The following ZNF12 variants were observed in gnomAD, a reference collection of about 807,000 sequenced individuals.
ZNF12 encodes zinc finger protein 12.
ZNF12 carries 34 observed loss-of-function variants against 66.6 expected under a neutral mutation model. That is an observed-to-expected ratio of 0.51 (90% confidence interval 0.39 to 0.68). The LOEUF is 0.68. Among genes scored for constraint, ZNF12 ranks in the 30% least tolerant of loss-of-function variants. The pLI, the probability that ZNF12 is intolerant of heterozygous loss-of-function variation, is 0.00. For synonymous variants in ZNF12, 320 were observed against 278.9 expected (o/e 1.15, Z -1.47); for missense variants, 697 against 826.9 (o/e 0.84, Z 1.93).
rs1412535961 is a variant in ZNF12, at chr7:6,701,836, C to T, written c.15+3323G>A. On this transcript the variant is annotated intron_variant, in intron 2 of 4. Coordinates refer to ENST00000405858, the MANE Select transcript of ZNF12 (RefSeq NM_016265.4). ...AACTATTTCTCATTCTCGACAGAAT[C>T]ACCCCACTATTATCTCTCCCATCAA... Among the ~76,000 whole-genome samples, 7 of 152,040 alleles carry T rather than the reference C, an allele frequency of 4.6e-5. No individual in the cohort carries two copies. The East Asian group carries it at 1.4e-3, about 29-fold the overall frequency.
At position 6,691,713 on chromosome 7, in the gene ZNF12, T is replaced by C; in HGVS notation, c.1229A>G (p.Lys410Arg). 6.2e-7 allele frequency: 1 copy of C among 1,613,940 alleles called. No individual in the cohort carries two copies. Among genetic ancestry groups the C allele is most frequent in the Non-Finnish European group, 8.5e-7 (1 of 1,179,868 alleles). ...QKIHTGVKLY[K>R]CSECGKCFCR... is the part of the protein sequence containing the mutation. The stretch of plus-strand genomic sequence containing the variant: ...GAAGCATTTCCCACATTCACTACAC[T>C]TGTAGAGTTTCACACCTGTGTGAAT... The change falls in exon 5 of 5, where the codon AAG (lysine) becomes AGG (arginine). Residue 410 changes from lysine to arginine, a missense_variant. Coordinates refer to ENST00000405858, the MANE Select transcript of ZNF12 (RefSeq NM_016265.4).
chr7:6,704,675 G>A (rs554947437), intron 2 of ZNF12, among the ~76,000 whole-genome samples: 1 of 139,420 alleles, frequency 7.2e-6, no homozygotes, highest in African/African-American at 2.7e-5. Context: ...GGGAGGTGGA[G>A]GTTGCACTGA....
rs1289152550 is a variant in ZNF12, at chr7:6,696,933, G to A, written c.238+406C>T. On this transcript the variant is annotated intron_variant, in intron 4 of 4. Coordinates refer to ENST00000405858, the MANE Select transcript of ZNF12 (RefSeq NM_016265.4). The surrounding 1 kb of genome is among the most constrained non-coding windows in gnomAD (Gnocchi z 4.0). ...AAAGAAAAGTACAAAGTAGAACAGG[G>A]TCCAGAAACAGTCTCAGGCACTGCA... Among the ~76,000 whole-genome samples the A allele has an allele frequency of 6.6e-6, 1 of 151,432 alleles. No homozygotes were observed. The highest frequency in any genetic ancestry group is 2.1e-4 in the South Asian group (1 of 4,780).
chr7:6,704,558 GTC>G (rs1247216238), intron 2 of ZNF12, among the ~76,000 whole-genome samples: 1 of 109,026 alleles, frequency 9.2e-6, no homozygotes, highest in East Asian at 2.9e-4. Flanking sequence ...GTGAAACCCT[GTC>G]TCTACTTTAA....
intron 2 of ZNF12, among the ~76,000 whole-genome samples, chr7:6,701,104 A>G (rs1371718284): frequency 1.3e-5 from 2 of 152,068 alleles, no homozygotes; most frequent in East Asian, 3.9e-4. Context: ...CAGCCTTCCA[A>G]AGTGTTGGGA....
chr7:6,706,303 T>C (rs1780356030), intron 1 of ZNF12, 129 bp downstream of exon 1: 1 of 429,138 alleles, frequency 2.3e-6, no homozygotes, highest in Non-Finnish European at 4.7e-6. Context: ...GGACCCTGCC[T>C]TCAAACCCAA....
In ZNF12 at chr7:6,689,739, A is replaced by T. The variant is rs930642094; in HGVS notation, c.*1109T>A. The stretch of plus-strand genomic sequence containing the variant: ...AGAAAGTCACTCGGCAATGTCTGCC[A>T]CAGACCCTTGTTAGAATGTGTTCTT... On this transcript the variant is annotated 3_prime_UTR_variant, in exon 5 of 5. Transcript: ENST00000405858. 6.6e-6 allele frequency: 1 copy of T among 152,618 alleles called. No individual in the cohort carries two copies. Among genetic ancestry groups the T allele is most frequent in the East Asian group, 1.9e-4 (1 of 5,196 alleles). The allele number at this position is 152,618 out of a possible 1,614,324, so 9.5% of individuals were successfully genotyped here.
chr7:6,704,234 G>A (rs1354145941), intron 2 of ZNF12: 1 of 151,832 alleles, frequency 6.6e-6, no homozygotes, highest in African/African-American at 2.4e-5. Context: ...AGCTACTCGG[G>A]AGGCTAAGGC....
intron 2 of ZNF12, chr7:6,704,038 G>C (rs1249585029): frequency 1.3e-5 from 2 of 152,190 alleles, no homozygotes; most frequent in Non-Finnish European, 2.9e-5. Context: ...GAAATATTTA[G>C]GGAGGCGGCT....
intron 2 of ZNF12, among the ~76,000 whole-genome samples, chr7:6,699,715 C>G (rs886775912): frequency 6.6e-6 from 1 of 152,116 alleles, no homozygotes; most frequent in Non-Finnish European, 1.5e-5. Context: ...AGTGGTAGGT[C>G]CCTGCTTAGT....
chr7:6,703,622 C>A lies in ZNF12; in HGVS notation c.15+1537G>T, dbSNP rs923391169. ...TGCTGCATCTATGACCTTGAGGGGT[C>A]CTTTGGACACACTCCAAAGAAATGC... On this transcript the variant is annotated intron_variant, in intron 2 of 4. Coordinates refer to ENST00000405858, the MANE Select transcript of ZNF12 (RefSeq NM_016265.4). 2.6e-5 allele frequency among the ~76,000 whole-genome samples: 4 copies of A among 152,210 alleles called. No homozygotes were observed. In the South Asian group the frequency reaches 8.3e-4, roughly 32 times the overall value.
In ZNF12 at chr7:6,705,021, T is replaced by C. The variant is rs903075374; in HGVS notation, c.15+138A>G. 7.2e-5 allele frequency: 69 copies of C among 961,962 alleles called. No individual in the cohort carries two copies. Among genetic ancestry groups the C allele is most frequent in the Non-Finnish European group, 9.9e-5 (66 of 668,912 alleles). The allele number at this position is 961,962 out of a possible 1,614,324, so 59.6% of individuals were successfully genotyped here. A position where few individuals can be genotyped will look rare whatever the true frequency, so the allele number is the denominator to read the frequency against. On this transcript the variant is annotated intron_variant, in intron 2 of 4. Coordinates refer to ENST00000405858, the MANE Select transcript of ZNF12 (RefSeq NM_016265.4). The surrounding 1 kb of genome is among the most constrained non-coding windows in gnomAD (Gnocchi z 4.0). ...ATATGAATATGATAAAAAGGCTTGG[T>C]GCTGATGGCTACTGTTCTGTCTGAC...
chr7:6,695,401 T>G (rs921612018), intron 4 of ZNF12, among the ~76,000 whole-genome samples: 5 of 152,078 alleles, frequency 3.3e-5, no homozygotes, highest in African/African-American at 1.2e-4. Context: ...TTCTTTTTTT[T>G]GTAGAGACAG....
At position 6,706,618 on chromosome 7, in the gene ZNF12, C is replaced by T. The variant is rs981816925; in HGVS notation, c.-237G>A. On this transcript the variant is annotated 5_prime_UTR_variant, in exon 1 of 5. Transcript: ENST00000405858. The stretch of plus-strand genomic sequence containing the variant: ...GGGGCGTCCCTCCCGGAGCCCAGAT[C>T]CGTCTCCCTGGGGCTCACCGTCCTG... 4.4e-6 allele frequency: 2 copies of T among 451,066 alleles called. No homozygotes were observed. Among genetic ancestry groups the T allele is most frequent in the Non-Finnish European group, 8.9e-6 (2 of 224,914 alleles). The allele number at this position is 451,066 out of a possible 1,614,324, so 27.9% of individuals were successfully genotyped here. A position where few individuals can be genotyped will look rare whatever the true frequency, so the allele number is the denominator to read the frequency against.
Position 6,698,142 on chromosome 7 carries a change from A to G in ZNF12, c.16-331T>C. The G allele has an allele frequency of 4.0e-6, 2 of 503,286 alleles. No individual in the cohort carries two copies. The highest frequency in any genetic ancestry group is 7.6e-6 in the Non-Finnish European group (2 of 264,444). The allele number at this position is 503,286 out of a possible 1,614,324, so 31.2% of individuals were successfully genotyped here. On this transcript the variant is annotated intron_variant, in intron 2 of 4. Transcript: ENST00000405858. The surrounding 1 kb of genome is among the most constrained non-coding windows in gnomAD (Gnocchi z 4.4). ...GGACACTCACAGAACCCCAGGATGC[A>G]CTCTGCTTCTTTGCACATTCTTCAA...
In ZNF12 at chr7:6,697,200, G is replaced by A. The variant is rs909155675; in HGVS notation, c.238+139C>T. ...ATAAGTTCTTACGGGGAAGGAAGAA[G>A]TCTTTGGGAGTGAGATTCAGGTTCA... On this transcript the variant is annotated intron_variant, in intron 4 of 4. Coordinates refer to ENST00000405858, the MANE Select transcript of ZNF12 (RefSeq NM_016265.4). This position sits in a 1 kb window ranked among gnomAD's most constrained non-coding sequence, Gnocchi z 6.1. The A allele has an allele frequency of 3.7e-5, 21 of 572,170 alleles. No individual in the cohort carries two copies. The African/African-American group carries it at 3.8e-4, about 10-fold the overall frequency. 35.4% of individuals were successfully genotyped at this position (572,170 alleles called of 1,614,324 possible). A position where few individuals can be genotyped will look rare whatever the true frequency, so the allele number is the denominator to read the frequency against.
intron 2 of ZNF12, among the ~76,000 whole-genome samples, chr7:6,699,957 T>G (rs1780208315): frequency 6.6e-6 from 1 of 152,118 alleles, no homozygotes; most frequent in African/African-American, 2.4e-5. Context: ...TTTTTAAATC[T>G]CTATTTTAAA....
At chr7:6,693,817 A>G (rs1196504687) in intron 4 of ZNF12, among the ~76,000 whole-genome samples, 11 of 152,178 alleles carry the variant, frequency 7.2e-5, no homozygotes, top group Admixed American at 7.2e-4. Context: ...CCATCACTTA[A>G]TTCTCAGTGT....
At chr7:6,694,835 T>C (rs1330229736) in intron 4 of ZNF12, among the ~76,000 whole-genome samples, 1 of 152,206 alleles carries the variant, frequency 6.6e-6, no homozygotes, top group Non-Finnish European at 1.5e-5. Flanking sequence ...ATACTGTCTA[T>C]AGAATCATTT....
Sources: gnomAD v4.1 joint callset for allele counts (sites outside exome capture counted in the v4.1 genomes callset) on GRCh38, gnomAD v4.1.1 for gene constraint, Gnocchi (gnomAD v3.1) non-coding constraint, MANE v1.5 for transcripts, NCBI Gene and HGNC (gene_info 2026-07-23, HGNC 2026-07-21) for gene names.